The following EVC variants were observed in gnomAD, a reference collection of about 807,000 sequenced individuals.
The protein encoded by EVC is evC complex member EVC.
EVC carries 116 observed loss-of-function variants against 118.9 expected under a neutral mutation model. The ratio of observed to expected loss-of-function variants is 0.98; its 90% CI spans 0.84 to 1.14. EVC has a LOEUF of 1.14. Ranked by LOEUF, EVC falls within the 50% of genes most tolerant of loss-of-function variation. The probability of loss-of-function intolerance (pLI) is 0.00; values close to 1 mark genes in which losing one functional copy is unlikely to be tolerated. For missense variants in EVC, 1,401 were observed against 1,246.4 expected (o/e 1.12, Z -1.87); for synonymous variants, 619 against 534.7 (o/e 1.16, Z -2.18).
intron 8 of EVC, 103 bp from the exon 9 acceptor site, chr4:5,752,733 C>G: frequency 8.7e-7 from 1 of 1,151,388 alleles, no homozygotes; most frequent in East Asian, 2.3e-5. Context: ...CCAGGCAGTG[C>G]CATTAGTTAA....
At chr4:5,760,793 C>T (rs558143723) in intron 11 of EVC, among the ~76,000 whole-genome samples, 5 of 152,252 alleles carry the variant, frequency 3.3e-5, no homozygotes, top group Admixed American at 6.5e-5. Context: ...CTCAGGTGAT[C>T]CACTCGCCTT....
rs575254903 is a variant in EVC at position 5,749,493 on chromosome 4, G to C, written c.1098+1187G>C. On this transcript the variant is annotated intron_variant, in intron 8 of 20. Transcript: ENST00000264956. The surrounding 1 kb of genome is among the most constrained non-coding windows in gnomAD (Gnocchi z 4.4). ...ACTCTGGGCTCTGTTGTTTGGAGCT[G>C]TGTGATCTTGAACACATTACTTAAC... 9.2e-5 allele frequency among the ~76,000 whole-genome samples: 14 copies of C among 152,294 alleles called. No homozygotes were observed. The highest frequency in any genetic ancestry group is 3.4e-4 in the African/African-American group (14 of 41,564).
chr4:5,777,153 A>G lies in EVC; in HGVS notation c.1564-6399A>G, dbSNP rs115835871. 2.8e-3 allele frequency among the ~76,000 whole-genome samples: 425 copies of G among 152,292 alleles called. 1 individual carries two copies. Among genetic ancestry groups the G allele is most frequent in the African/African-American group, 9.2e-3 (383 of 41,532 alleles). ...GAAATATTTTCAGGTATACAATGAT[A>G]CTGTCCTTCTCCAAAGAGGATTTTC... On this transcript the variant is annotated intron_variant, in intron 11 of 20. Coordinates refer to ENST00000264956, the MANE Select transcript of EVC (RefSeq NM_153717.3).
chr4:5,782,419 G>C (rs1169853192), intron 11 of EVC, among the ~76,000 whole-genome samples: 2 of 121,832 alleles, frequency 1.6e-5, no homozygotes, highest in Non-Finnish European at 3.3e-5. Context: ...TTTTTGAGAC[G>C]GAGTCTCTCT....
At chr4:5,720,347 A>G (rs1174029351) in intron 2 of EVC, among the ~76,000 whole-genome samples, 1 of 152,072 alleles carries the variant, frequency 6.6e-6, no homozygotes, top group African/African-American at 2.4e-5. Flanking sequence ...CATTTTCCAG[A>G]TGAGGAAGCC....
rs1186453100 is a variant in EVC, at chr4:5,719,589, C to G, written c.300+216C>G. On this transcript the variant is annotated intron_variant, in intron 2 of 20. Transcript: ENST00000264956. The surrounding 1 kb of genome is among the most constrained non-coding windows in gnomAD (Gnocchi z 4.7). ...TGCATGCCCCTTAGAACAAATACCC[C>G]CCTGAGAATGTTTTCATCACCCAGC... Among the ~76,000 whole-genome samples, 1 of 152,130 alleles carries G rather than the reference C, an allele frequency of 6.6e-6. No individual in the cohort carries two copies. Among genetic ancestry groups the G allele is most frequent in the Non-Finnish European group, 1.5e-5 (1 of 68,040 alleles).
chr4:5,808,133 C>A, intron 17 of EVC, 68 bp from the exon 18 acceptor site: 5 of 180,908 alleles, frequency 2.8e-5, no homozygotes, highest in Non-Finnish European at 2.2e-5. Flanking sequence ...CCTTCCTTCT[C>A]CCTCCCTCCC....
chr4:5,806,415 A>C (rs1355567556), intron 17 of EVC, among the ~76,000 whole-genome samples: 1 of 152,060 alleles, frequency 6.6e-6, no homozygotes, highest in Non-Finnish European at 1.5e-5. Context: ...TGCACACATT[A>C]TTGAGCTCCC....
rs1456975534 is a variant in EVC, at chr4:5,754,626, T to C, written c.1464+693T>C. ...GTGGGGCTGGGAGAGGACCAGCTTG[T>C]CCGTAACCGTCTTGCAGGCTGGTTA... On this transcript the variant is annotated intron_variant, in intron 10 of 20. Transcript: ENST00000264956. The surrounding 1 kb of genome is among the most constrained non-coding windows in gnomAD (Gnocchi z 5.8). Among the ~76,000 whole-genome samples, 1 of 151,996 alleles carries C rather than the reference T, an allele frequency of 6.6e-6. No individual in the cohort carries two copies. The highest frequency in any genetic ancestry group is 2.4e-5 in the African/African-American group (1 of 41,396).
intron 11 of EVC, among the ~76,000 whole-genome samples, chr4:5,767,203 A>T (rs565347924): frequency 5.3e-5 from 8 of 152,144 alleles, no homozygotes; most frequent in Non-Finnish European, 1.0e-4. Context: ...CCTCCCAGTT[A>T]GGCTCCTCGG....
At chr4:5,828,541 G>T in the EVC span, 1 of 1,614,238 alleles carries the variant, frequency 6.2e-7, no homozygotes, top group Non-Finnish European at 8.5e-7. Context: ...CGCCTTCCGC[G>T]GAATGAAGCG....
intron 6 of EVC, 27 bp downstream of exon 6, chr4:5,741,841 T>G (rs1472885974): frequency 7.8e-7 from 1 of 1,282,892 alleles, no homozygotes; most frequent in Non-Finnish European, 1.1e-6. Flanking sequence ...TGTTTCAAGG[T>G]AACTTAAAAA....
At chr4:5,788,197 A>T (rs530200083) in intron 12 of EVC, among the ~76,000 whole-genome samples, 1 of 152,314 alleles carries the variant, frequency 6.6e-6, no homozygotes, top group African/African-American at 2.4e-5. Flanking sequence ...AGCTTAAAAC[A>T]ACATGCACTT....
At position 5,798,755 on chromosome 4, in the gene EVC, C is replaced by A. The variant is rs1266821384; in HGVS notation, c.2267C>A (p.Ala756Asp). ...CTGCTGGTGCATGCACGGAATGCAG[C>A]CACCAAGAGCCGGGCCAAGGACAGG... is the stretch of plus-strand genomic sequence containing the variant. ...QALLVHARNA[A>D]TKSRAKDRDD... is the part of the protein sequence containing the mutation. The change falls in exon 15 of 21, where the codon GCC becomes GAC. Residue 756 changes from alanine (A) to aspartate (D), a missense_variant. Transcript: ENST00000264956. This position sits in a 1 kb window ranked among gnomAD's most constrained non-coding sequence, Gnocchi z 4.1. 1 of 1,611,232 alleles carries A rather than the reference C, an allele frequency of 6.2e-7. No individual in the cohort carries two copies. The highest frequency in any genetic ancestry group is 1.7e-5 in the Admixed American group (1 of 60,002).
chr4:5,743,247 C>G lies in EVC; in HGVS notation c.801+1433C>G, dbSNP rs549370391. Among the ~76,000 whole-genome samples, 2 of 152,248 alleles carry G rather than the reference C, an allele frequency of 1.3e-5. No homozygotes were observed. Among genetic ancestry groups the G allele is most frequent in the African/African-American group, 4.8e-5 (2 of 41,554 alleles). On this transcript the variant is annotated intron_variant, in intron 6 of 20. Coordinates refer to ENST00000264956, the MANE Select transcript of EVC (RefSeq NM_153717.3). The surrounding 1 kb of genome is among the most constrained non-coding windows in gnomAD (Gnocchi z 4.7). The stretch of plus-strand genomic sequence containing the variant: ...TGCCGGTTTCTTCACTTTATCCTGT[C>G]TGGACCAGATCCCATTTTGATCAGC...
Position 5,811,133 on chromosome 4 carries a change from A to ATGCCGCTGTCCTCTCC in EVC, c.*96_*97insTGCCGCTGTCCTCTCC. 4.1e-6 allele frequency: 4 copies of ATGCCGCTGTCCTCTCC among 973,182 alleles called. No individual in the cohort carries two copies. Among genetic ancestry groups the ATGCCGCTGTCCTCTCC allele is most frequent in the Non-Finnish European group, 4.8e-6 (3 of 620,082 alleles). 60.3% of individuals were successfully genotyped at this position (973,182 alleles called of 1,614,324 possible). ...GTGCTGAGAGGCAGCGAGGACGGAGAGGACAGCGGCATCTCTAGGCTCTTC... is the reference window on the plus strand; with the variant it reads ...GTGCTGAGAGGCAGCGAGGACGGAGATGCCGCTGTCCTCTCCGGACAGCGGCATCTCTAGGCTCTTC... On this transcript the variant is annotated 3_prime_UTR_variant, in exon 21 of 21. Coordinates refer to ENST00000264956, the MANE Select transcript of EVC (RefSeq NM_153717.3).
Position 5,748,237 on chromosome 4 carries a change from G to A in EVC, c.1029G>A (p.Met343Ile). 2 of 1,614,166 alleles carry A rather than the reference G, an allele frequency of 1.2e-6. No individual in the cohort carries two copies. The highest frequency in any genetic ancestry group is 1.1e-5 in the South Asian group (1 of 91,082). Residue 343 changes from methionine to isoleucine, a missense_variant, in exon 8 of 21, where the codon ATG (methionine) becomes ATA (isoleucine). By Grantham distance (10) the Met-to-Ile change is conservative. Coordinates refer to ENST00000264956, the MANE Select transcript of EVC (RefSeq NM_153717.3). ...KCSSSKARQL[M>I]MTLTERMIAA... is the part of the protein sequence containing the mutation. ...CCAGCTCCAAAGCCCGACAGCTGAT[G>A]ATGACTCTGACGGAAAGAATGATTG...
In EVC at chr4:5,746,658, A is replaced by G. The variant is rs1729399156; in HGVS notation, c.939+1317A>G. Among the ~76,000 whole-genome samples, 1 of 152,180 alleles carries G rather than the reference A, an allele frequency of 6.6e-6. No homozygotes were observed. Among genetic ancestry groups the G allele is most frequent in the Non-Finnish European group, 1.5e-5 (1 of 68,034 alleles). ...CAGAACCCCCAACGCTGTGTGCAGT[A>G]TCTTGTCCATGTCTGCCTTTCTCAG... On this transcript the variant is annotated intron_variant, in intron 7 of 20. Transcript: ENST00000264956. This position sits in a 1 kb window ranked among gnomAD's most constrained non-coding sequence, Gnocchi z 5.8.
intron 1 of EVC, among the ~76,000 whole-genome samples, chr4:5,718,184 C>T (rs1431041869): frequency 3.3e-5 from 5 of 152,304 alleles, no homozygotes; most frequent in Admixed American, 2.6e-4. Flanking sequence ...ACAGCATTAG[C>T]GAACACTGAA....
Sources: allele counts gnomAD v4.1 joint callset (sites outside exome capture counted in the v4.1 genomes callset), GRCh38; gene constraint gnomAD v4.1.1; non-coding constraint Gnocchi (gnomAD v3.1); transcripts MANE v1.5; gene names NCBI Gene and HGNC (gene_info 2026-07-23, HGNC 2026-07-21).